Variants in CPNE4 observed in about 807,000 individuals in gnomAD.
CPNE4 encodes copine 4.
Under a neutral mutation model 67.9 loss-of-function variants are expected in CPNE4, and 25 were observed. The observed-to-expected ratio is 0.37, with a 90% CI of 0.27 to 0.51. The LOEUF is 0.51. CPNE4 is among the 20% of genes least tolerant of loss of function. CPNE4 has a pLI of 0.93. For missense variants in CPNE4, 464 were observed against 690.8 expected, an observed-to-expected ratio of 0.67 and a Z score of 3.68; for synonymous variants, 242 against 244.9, an observed-to-expected ratio of 0.99 and a Z score of 0.11.
At position 131,552,492 on chromosome 3, in the gene CPNE4, C is replaced by G; in HGVS notation, c.1117-1G>C. 6.2e-7 allele frequency: 1 copy of G among 1,611,352 alleles called. No homozygotes were observed. Among genetic ancestry groups the G allele is most frequent in the South Asian group, 1.1e-5 (1 of 90,894 alleles). On this transcript the variant is annotated splice_acceptor_variant, in intron 12 of 15. Transcript: ENST00000429747. LOFTEE classifies it high-confidence loss of function. ...AGTTGATTGCAAAGTCATGAGAGAC[C>G]TAGACACCGATTAAAATTTAAAAAA...
At chr3:131,876,364 C>A (rs59603053) in intron 2 of CPNE4, among the ~76,000 whole-genome samples, 53,373 of 151,256 alleles carry the variant, frequency 0.35, 10,542 homozygotes, top group African/African-American at 0.53. Flanking sequence ...TTTTCTCGGC[C>A]GGGCGTGGTG....
At chr3:131,942,981 C>T (rs1202428470) in intron 1 of CPNE4, among the ~76,000 whole-genome samples, 2 of 152,144 alleles carry the variant, frequency 1.3e-5, no homozygotes, top group African/African-American at 4.8e-5. Flanking sequence ...CCTCCATTTC[C>T]ACAGCCATAA....
At position 131,792,623 on chromosome 3, in the gene CPNE4, A is replaced by ATATATATATATACACGTGTATATATG. The variant is rs1560321051; in HGVS notation, c.181-68999_181-68998insCATATATACACGTGTATATATATATA. 8.0e-4 allele frequency among the ~76,000 whole-genome samples: 61 copies of ATATATATATATACACGTGTATATATG among 76,040 alleles called. 2 individuals are homozygous for ATATATATATATACACGTGTATATATG. Among genetic ancestry groups the ATATATATATATACACGTGTATATATG allele is most frequent in the Admixed American group, 2.4e-3 (17 of 7,046 alleles). The allele number at this position is 76,040 out of a possible 152,430, so 49.9% of individuals were successfully genotyped here. Reference sequence around the variant, plus strand: ...TATATGTGTGTGTGTATATATGTATATATATATACACACGTGTATATATGT... The same window carrying ATATATATATATACACGTGTATATATG: ...TATATGTGTGTGTGTATATATGTATATATATATATATACACGTGTATATATGTATATATACACACGTGTATATATGT... On this transcript the variant is annotated intron_variant, in intron 2 of 15. Transcript: ENST00000429747.
chr3:131,792,466 C>T (rs1372615272), intron 2 of CPNE4, among the ~76,000 whole-genome samples: 1 of 151,014 alleles, frequency 6.6e-6, no homozygotes, highest in East Asian at 2.0e-4. Context: ...GCATGAAATA[C>T]CATCTATATA....
intron 2 of CPNE4, among the ~76,000 whole-genome samples, chr3:131,814,637 C>A (rs1357597549): frequency 2.3e-5 from 2 of 87,590 alleles, no homozygotes; most frequent in Non-Finnish European, 3.7e-5. Context: ...CGGAGTCTCG[C>A]TCTGTCGCCC....
chr3:131,715,164 C>T (rs2081652357), intron 3 of CPNE4, among the ~76,000 whole-genome samples: 1 of 152,192 alleles, frequency 6.6e-6, no homozygotes, highest in South Asian at 2.1e-4. Context: ...AATGCACCTT[C>T]TGGGTGCTGA....
At chr3:131,912,655 C>A (rs780367772) in intron 1 of CPNE4, among the ~76,000 whole-genome samples, 1 of 152,088 alleles carries the variant, frequency 6.6e-6, no homozygotes, top group African/African-American at 2.4e-5. Context: ...TTCCTTAGAT[C>A]AAGAGGAGAT....
At chr3:131,619,458 C>T (rs908589387) in intron 7 of CPNE4, among the ~76,000 whole-genome samples, 6 of 152,000 alleles carry the variant, frequency 3.9e-5, no homozygotes, top group African/African-American at 9.7e-5. Flanking sequence ...ACATGAAGGG[C>T]GGTAAGAGAA....
chr3:131,661,229 C>G (rs2080116561), intron 7 of CPNE4, among the ~76,000 whole-genome samples: 1 of 152,112 alleles, frequency 6.6e-6, no homozygotes, highest in Non-Finnish European at 1.5e-5. Context: ...TAAATATTAG[C>G]TGTTTTTTAA....
At chr3:131,585,012 C>T (rs1161323993) in intron 8 of CPNE4, among the ~76,000 whole-genome samples, 1 of 152,140 alleles carries the variant, frequency 6.6e-6, no homozygotes, top group Non-Finnish European at 1.5e-5. Context: ...TTTTCCAGGT[C>T]CTCAATCACA....
At chr3:131,889,877 C>T (rs78867992) in intron 2 of CPNE4, among the ~76,000 whole-genome samples, 1 of 152,048 alleles carries the variant, frequency 6.6e-6, no homozygotes, top group Non-Finnish European at 1.5e-5. Context: ...ATTGGGAAAG[C>T]CAGATGTCCA....
At chr3:131,953,241 A>T (rs1185743570) in intron 1 of CPNE4, among the ~76,000 whole-genome samples, 1 of 114,662 alleles carries the variant, frequency 8.7e-6, no homozygotes, top group African/African-American at 3.2e-5. Flanking sequence ...TGATCAATTA[A>T]AAAAAAAAAA....
intron 5 of CPNE4, among the ~76,000 whole-genome samples, chr3:131,687,878 G>A (rs2080933419): frequency 6.6e-6 from 1 of 152,188 alleles, no homozygotes; most frequent in Non-Finnish European, 1.5e-5. Context: ...GGTATAAGGA[G>A]TATTGAGGGA....
intron 1 of CPNE4, among the ~76,000 whole-genome samples, chr3:131,942,463 T>TGTGTGTGTGAGA (rs2071424814): frequency 1.1e-4 from 8 of 70,768 alleles, no homozygotes; most frequent in African/African-American, 4.0e-4. Flanking sequence ...TGTGTGTGTG[T>TGTGTGTGTGAGA]GAGAGAGAGA....
At chr3:131,943,589 A>T (rs1225026) in intron 1 of CPNE4, among the ~76,000 whole-genome samples, 115,851 of 151,990 alleles carry the variant, frequency 0.76, 44,542 homozygotes, top group African/African-American at 0.85. Flanking sequence ...CCAGTGCCAC[A>T]GCCATTTGCA....
At chr3:131,888,095 A>T (rs2087966531) in intron 2 of CPNE4, among the ~76,000 whole-genome samples, 1 of 152,236 alleles carries the variant, frequency 6.6e-6, no homozygotes, top group African/African-American at 2.4e-5. Context: ...GGAATAAGTA[A>T]TCCACTGTGT....
intron 1 of CPNE4, among the ~76,000 whole-genome samples, chr3:131,998,157 G>A (rs188412282): frequency 1.3e-5 from 2 of 152,164 alleles, no homozygotes; most frequent in Admixed American, 6.5e-5. Context: ...TACCACACCA[G>A]GAATTTTAAA....
intron 10 of CPNE4, among the ~76,000 whole-genome samples, chr3:131,570,409 A>C (rs1937279464): frequency 6.6e-6 from 1 of 151,994 alleles, no homozygotes; most frequent in African/African-American, 2.4e-5. Flanking sequence ...ATATGTATAC[A>C]TGTGCCATGC....
chr3:131,590,677 T>A (rs1456645298), intron 7 of CPNE4, among the ~76,000 whole-genome samples: 1 of 152,142 alleles, frequency 6.6e-6, no homozygotes, highest in Non-Finnish European at 1.5e-5. Context: ...TGTTAAAAAG[T>A]GTTTTATTGC....
Sources: allele counts gnomAD v4.1 joint callset (sites outside exome capture counted in the v4.1 genomes callset), GRCh38; gene constraint gnomAD v4.1.1; transcripts MANE v1.5; gene names NCBI Gene and HGNC (gene_info 2026-07-23, HGNC 2026-07-21).